Variants in KLHL29 observed in about 807,000 individuals in gnomAD.
The protein encoded by KLHL29 is kelch like family member 29, also known as kelch-like protein 29.
A neutral mutation model predicts 80.4 loss-of-function variants in KLHL29; 21 were observed. That is an observed-to-expected ratio of 0.26 (90% CI 0.19 to 0.38). The LOEUF (loss-of-function observed/expected upper bound fraction) is 0.38. KLHL29 is among the 10% of genes least tolerant of loss of function. The pLI is 1.00. For synonymous variants in KLHL29, 511 were observed against 526.8 expected, an observed-to-expected ratio of 0.97 and a Z score of 0.41; for missense variants, 867 against 1,223.9, an observed-to-expected ratio of 0.71 and a Z score of 4.35.
chr2:23,614,766 G>A (rs1057410405), intron 3 of KLHL29, among the ~76,000 whole-genome samples: 3 of 152,162 alleles, frequency 2.0e-5, no homozygotes, highest in Non-Finnish European at 2.9e-5. Flanking sequence ...CACTCGGGTC[G>A]CTGATCGCTG....
chr2:23,526,511 G>A (rs982861836), intron 2 of KLHL29, among the ~76,000 whole-genome samples: 15 of 152,208 alleles, frequency 9.9e-5, no homozygotes, highest in African/African-American at 3.4e-4. Flanking sequence ...GTGTCTGGAC[G>A]AGATCCAGCA....
At chr2:23,517,065 G>A (rs948794229) in intron 2 of KLHL29, among the ~76,000 whole-genome samples, 57 of 152,306 alleles carry the variant, frequency 3.7e-4, no homozygotes, top group African/African-American at 1.3e-3. Flanking sequence ...TTCGTGGTGC[G>A]GAGCCTGCAA....
At position 23,413,781 on chromosome 2, in the gene KLHL29, C is replaced by T. The variant is rs551655082; in HGVS notation, c.-154+28001C>T. ...AAGCCCGGTGCTCTGAAGGTGGCAT[C>T]GATGGCCCTGAGTTTGTCCCTAGCT... is the stretch of plus-strand genomic sequence containing the variant. On this transcript the variant is annotated intron_variant, in intron 1 of 13. Transcript: ENST00000486442. 2.6e-5 allele frequency among the ~76,000 whole-genome samples: 4 copies of T among 152,340 alleles called. No individual in the cohort carries two copies. In the South Asian group the frequency reaches 6.2e-4, roughly 24 times the overall value.
rs543678236 is a variant in KLHL29 at position 23,682,823 on chromosome 2, A to G, written c.941-1576A>G. On this transcript the variant is annotated intron_variant, in intron 5 of 13. Coordinates refer to ENST00000486442, the MANE Select transcript of KLHL29 (RefSeq NM_052920.2). The surrounding 1 kb of genome is among the most constrained non-coding windows in gnomAD (Gnocchi z 4.1). ...AGTCCCAGCCAGAGCCCCCTTCCGC[A>G]CCCCTGGAGATGCTCTGCTGTGACT... 2.2e-4 allele frequency among the ~76,000 whole-genome samples: 34 copies of G among 152,048 alleles called. No homozygotes were observed. The highest frequency in any genetic ancestry group is 8.2e-4 in the African/African-American group (34 of 41,450).
intron 2 of KLHL29, among the ~76,000 whole-genome samples, chr2:23,533,342 C>G (rs1400040656): frequency 6.6e-6 from 1 of 152,158 alleles, no homozygotes; most frequent in Non-Finnish European, 1.5e-5. Flanking sequence ...TTCCCCCACC[C>G]TCTGGGGCTG....
chr2:23,403,823 A>G (rs1666656799), intron 1 of KLHL29, among the ~76,000 whole-genome samples: 1 of 151,838 alleles, frequency 6.6e-6, no homozygotes, highest in Admixed American at 6.6e-5. Flanking sequence ...TGCCTCTCCC[A>G]GAAAAAGAGC....
chr2:23,654,835 C>T (rs1238038817), intron 5 of KLHL29, among the ~76,000 whole-genome samples: 1 of 152,220 alleles, frequency 6.6e-6, no homozygotes, highest in African/African-American at 2.4e-5. Flanking sequence ...TAAGACCCTG[C>T]CCAGGTATAG....
intron 5 of KLHL29, among the ~76,000 whole-genome samples, chr2:23,683,825 A>G (rs1671160328): frequency 6.6e-6 from 1 of 151,948 alleles, no homozygotes; most frequent in Middle Eastern, 3.2e-3. Context: ...GTGAAACAGA[A>G]GGAGGTGCTT....
intron 3 of KLHL29, among the ~76,000 whole-genome samples, chr2:23,631,441 C>T (rs1239264530): frequency 8.5e-5 from 13 of 152,256 alleles, no homozygotes; most frequent in South Asian, 2.1e-4. Flanking sequence ...ATGCAGTTTC[C>T]GGCATGCGAG....
intron 2 of KLHL29, among the ~76,000 whole-genome samples, chr2:23,513,880 C>A (rs527853113): frequency 6.6e-6 from 1 of 152,326 alleles, no homozygotes; most frequent in Non-Finnish European, 1.5e-5. Context: ...ATTTTAACAA[C>A]ACATAGGCCT....
At chr2:23,399,864 C>T (rs778524217) in intron 1 of KLHL29, among the ~76,000 whole-genome samples, 3 of 152,196 alleles carry the variant, frequency 2.0e-5, no homozygotes, top group African/African-American at 7.2e-5. Context: ...CTCAGCCTGC[C>T]GTCTGCTGTT....
At chr2:23,511,919 C>T (rs1468357739) in intron 2 of KLHL29, among the ~76,000 whole-genome samples, 1 of 152,078 alleles carries the variant, frequency 6.6e-6, no homozygotes, top group Non-Finnish European at 1.5e-5. Context: ...TTGTTTTAAA[C>T]AGTATTCACC....
chr2:23,387,557 G>A (rs1183033812), intron 1 of KLHL29, among the ~76,000 whole-genome samples: 2 of 150,338 alleles, frequency 1.3e-5, no homozygotes, highest in African/African-American at 2.4e-5. Flanking sequence ...TGGAAAGAAG[G>A]TATAGAGCTT....
intron 3 of KLHL29, among the ~76,000 whole-genome samples, chr2:23,638,085 T>TAA (rs553356362): frequency 0.012 from 1,384 of 111,566 alleles, 25 homozygotes; most frequent in African/African-American, 0.035. Context: ...ATGGCCATAG[T>TAA]AAAAAAAAAA....
chr2:23,704,502 C>T (rs1355973060), intron 13 of KLHL29, among the ~76,000 whole-genome samples: 1 of 152,226 alleles, frequency 6.6e-6, no homozygotes, highest in Non-Finnish European at 1.5e-5. Flanking sequence ...TGCAGTGGCT[C>T]ACACCTGTAA....
chr2:23,437,019 G>C (rs1420903308), intron 1 of KLHL29, among the ~76,000 whole-genome samples: 1 of 152,214 alleles, frequency 6.6e-6, no homozygotes, highest in Non-Finnish European at 1.5e-5. Context: ...ATCCAGTGTA[G>C]AAAAAGCTCC....
intron 3 of KLHL29, among the ~76,000 whole-genome samples, chr2:23,593,007 G>A (rs973885410): frequency 6.6e-6 from 1 of 152,156 alleles, no homozygotes; most frequent in Non-Finnish European, 1.5e-5. Context: ...GAGTGCTGTG[G>A]TTTGTGTCCA....
intron 2 of KLHL29, among the ~76,000 whole-genome samples, chr2:23,484,913 A>T (rs1417262207): frequency 6.6e-6 from 1 of 152,136 alleles, no homozygotes. Flanking sequence ...CAAGTCTTCC[A>T]GAAGCGCCTC....
chr2:23,555,164 A>G (rs1667253754), intron 2 of KLHL29, among the ~76,000 whole-genome samples: 1 of 150,326 alleles, frequency 6.7e-6, no homozygotes, highest in Non-Finnish European at 1.5e-5. Flanking sequence ...CCTGAGTGAG[A>G]CCACCCTACA....
Sources: allele counts gnomAD v4.1 joint callset (sites outside exome capture counted in the v4.1 genomes callset), GRCh38; gene constraint gnomAD v4.1.1; non-coding constraint Gnocchi (gnomAD v3.1); transcripts MANE v1.5; gene names NCBI Gene and HGNC (gene_info 2026-07-23, HGNC 2026-07-21).